Variants in AHSA1 observed in about 807,000 individuals in gnomAD.
AHSA1 encodes activator of 90 kDa heat shock protein ATPase homolog 1.
A neutral mutation model predicts 46.1 loss-of-function variants in AHSA1; 14 were observed. The observed-to-expected ratio is 0.30, with a 90% confidence interval of 0.20 to 0.47. AHSA1 has a LOEUF of 0.47. Ranked by LOEUF, AHSA1 falls within the 20% of genes least tolerant of loss-of-function variation. AHSA1 has a pLI of 0.99. For missense variants in AHSA1, 333 were observed against 415.9 expected (o/e 0.80, Z 1.73); for synonymous variants, 147 against 145.8 (o/e 1.01, Z -0.06).
In AHSA1 at chr14:77,458,350, A is replaced by G; in HGVS notation, c.80+81A>G. On this transcript the variant is annotated intron_variant, in intron 1 of 8. Transcript: ENST00000216479. ...CAGGGTTCCTAGAACCTCGGCCCGG[A>G]CAGAGCTGGGGCTGAGGTAGCCCTG... 3 of 1,445,220 alleles carry G rather than the reference A, an allele frequency of 2.1e-6. No homozygotes were observed. In the South Asian group the frequency reaches 3.8e-5, roughly 18 times the overall value. The allele number at this position is 1,445,220 out of a possible 1,614,324, so 89.5% of individuals were successfully genotyped here. A position where few individuals can be genotyped will look rare whatever the true frequency, so the allele number is the denominator to read the frequency against.
intron 2 of AHSA1, among the ~76,000 whole-genome samples, chr14:77,461,946 T>C (rs1042425216): frequency 6.6e-6 from 1 of 152,252 alleles, no homozygotes; most frequent in Non-Finnish European, 1.5e-5. Context: ...TGTCTCACAT[T>C]GTAATAACAT....
chr14:77,457,893 G>C, upstream of AHSA1: 1 of 496,696 alleles, frequency 2.0e-6, no homozygotes, highest in South Asian at 3.4e-5. Flanking sequence ...TATGGGTGAG[G>C]AATGGTTGTA....
Position 77,459,819 on chromosome 14 carries a change from TG to T in AHSA1, c.271+16del. On this transcript the variant is annotated intron_variant, in intron 2 of 8. Transcript: ENST00000216479. ...CTAAACTGGACAGGTAAGTCTAAGC[TG>T]GGCTGTCAGAGAGATTAACTGTGTT... The T allele has an allele frequency of 6.2e-7, 1 of 1,613,950 alleles. No homozygotes were observed. The highest frequency in any genetic ancestry group is 8.5e-7 in the Non-Finnish European group (1 of 1,179,758).
chr14:77,462,793 G>A (rs1299146668), intron 4 of AHSA1, 34 bp downstream of exon 4: 5 of 1,573,074 alleles, frequency 3.2e-6, no homozygotes, highest in Non-Finnish European at 4.4e-6. Context: ...GCCTTAAGGA[G>A]GTAGTTTCCA....
chr14:77,467,655 C>CT (rs1434933793), intron 6 of AHSA1, among the ~76,000 whole-genome samples: 1 of 152,200 alleles, frequency 6.6e-6, no homozygotes, highest in Non-Finnish European at 1.5e-5. Flanking sequence ...GATCGCGCCA[C>CT]TGCACTCCAG....
rs2078993818 is a variant in AHSA1, at chr14:77,458,097, GTT to G, written c.-91_-90del. ...GAGGTGCTTGCGGCCGCTTCTAGTA[GTT>G]TCCAGGCGCTGCCGGGCGGCTGGCA... On this transcript the variant is annotated 5_prime_UTR_variant, in exon 1 of 9. Transcript: ENST00000216479. The G allele has an allele frequency of 8.3e-7, 1 of 1,206,030 alleles. No homozygotes were observed. Among genetic ancestry groups the G allele is most frequent in the Admixed American group, 3.6e-5 (1 of 27,498 alleles). 74.7% of individuals were successfully genotyped at this position (1,206,030 alleles called of 1,614,324 possible).
rs1476438412 is a variant in AHSA1 at position 77,469,262 on chromosome 14, G to A, written c.*13G>A. 20 of 1,612,908 alleles carry A rather than the reference G, an allele frequency of 1.2e-5. No individual in the cohort carries two copies. The highest frequency in any genetic ancestry group is 1.7e-5 in the Non-Finnish European group (20 of 1,179,224). On this transcript the variant is annotated 3_prime_UTR_variant, in exon 9 of 9. Coordinates refer to ENST00000216479, the MANE Select transcript of AHSA1 (RefSeq NM_012111.3). ...ACGCTTATTTTAGGGCCAGCGGCAG[G>A]GGACTCCAGCCTGCTGGACACTTCA...
chr14:77,460,805 T>G (rs1334031395), intron 2 of AHSA1, among the ~76,000 whole-genome samples: 1 of 152,042 alleles, frequency 6.6e-6, no homozygotes, highest in Non-Finnish European at 1.5e-5. Context: ...GACGCTTTTT[T>G]TTTTTAATAT....
intron 6 of AHSA1, among the ~76,000 whole-genome samples, chr14:77,467,433 C>T (rs1210512686): frequency 6.6e-6 from 1 of 150,482 alleles, no homozygotes; most frequent in Non-Finnish European, 1.5e-5. Context: ...GTGGCTCACG[C>T]CTGTAATCCC....
chr14:77,458,202 G>A lies in AHSA1; in HGVS notation c.13G>A (p.Gly5Ser). The stretch of plus-strand genomic sequence containing the variant: ...GATAGGAGAGCCGATGGCCAAGTGG[G>A]GTGAGGGAGACCCACGCTGGATCGT... MAKWGEGDPRWIVEE... is the reference protein window; with the variant it reads MAKWSEGDPRWIVEE... The change falls in exon 1 of 9, where the codon GGT becomes AGT. Residue 5 changes from glycine (G) to serine (S), a missense_variant. Gly to Ser is a moderately conservative substitution (Grantham distance 56). Coordinates refer to ENST00000216479, the MANE Select transcript of AHSA1 (RefSeq NM_012111.3). The A allele has an allele frequency of 6.5e-7, 1 of 1,540,912 alleles. No individual in the cohort carries two copies. Among genetic ancestry groups the A allele is most frequent in the Non-Finnish European group, 8.7e-7 (1 of 1,143,586 alleles).
At chr14:77,467,665 G>C (rs1390921104) in intron 6 of AHSA1, among the ~76,000 whole-genome samples, 1 of 152,186 alleles carries the variant, frequency 6.6e-6, no homozygotes, top group African/African-American at 2.4e-5. Flanking sequence ...CTGCACTCCA[G>C]CCTGGGCAAC....
chr14:77,468,397 C>A, intron 7 of AHSA1, 60 bp from the exon 8 acceptor site: 1 of 1,498,880 alleles, frequency 6.7e-7, no homozygotes, highest in Non-Finnish European at 9.2e-7. Context: ...ATGACTGATC[C>A]TAGCTAGGAT....
rs756002682 is a variant in AHSA1 at position 77,458,152 on chromosome 14, G to A, written c.-38G>A. The A allele has an allele frequency of 1.6e-5, 24 of 1,507,182 alleles. No individual in the cohort carries two copies. The highest frequency in any genetic ancestry group is 1.9e-5 in the Non-Finnish European group (22 of 1,129,202). The allele number at this position is 1,507,182 out of a possible 1,614,324, so 93.4% of individuals were successfully genotyped here. A position where few individuals can be genotyped will look rare whatever the true frequency, so the allele number is the denominator to read the frequency against. On this transcript the variant is annotated 5_prime_UTR_variant, in exon 1 of 9. Coordinates refer to ENST00000216479, the MANE Select transcript of AHSA1 (RefSeq NM_012111.3). ...AAGCGGTCCTGAGGCTGTGGCTACG[G>A]CTGCTCCGGAGCTGGTGGCGCCGCG...
chr14:77,466,442 T>C (rs1168653371), intron 6 of AHSA1: 1 of 152,706 alleles, frequency 6.5e-6, no homozygotes, highest in Non-Finnish European at 1.5e-5. Context: ...CATGACCGTA[T>C]TCAGCTTTAT....
chr14:77,468,566 T>A, intron 8 of AHSA1, 58 bp downstream of exon 8: 1 of 1,421,306 alleles, frequency 7.0e-7, no homozygotes, highest in Admixed American at 1.9e-5. Flanking sequence ...GCTGTAATTT[T>A]TTTTTTTTTT....
intron 6 of AHSA1, 57 bp downstream of exon 6, chr14:77,465,724 T>G: frequency 6.3e-7 from 1 of 1,585,574 alleles, no homozygotes; most frequent in Non-Finnish European, 8.6e-7. Context: ...GTGACTTGAG[T>G]TGGGGGCATA....
chr14:77,462,600 C>G (rs768259515), intron 3 of AHSA1, 42 bp from the exon 4 acceptor site: 4 of 1,541,350 alleles, frequency 2.6e-6, no homozygotes, highest in Admixed American at 3.3e-5. Context: ...AATGAGGGTG[C>G]CCCTCAAGTT....
At chr14:77,464,301 A>C (rs1006390790) in intron 4 of AHSA1, among the ~76,000 whole-genome samples, 1 of 152,094 alleles carries the variant, frequency 6.6e-6, no homozygotes, top group African/African-American at 2.4e-5. Context: ...AGCTTGAACC[A>C]GGGAGTCAGA....
intron 6 of AHSA1, 38 bp downstream of exon 6, chr14:77,465,705 C>T: frequency 6.2e-7 from 1 of 1,607,730 alleles, no homozygotes; most frequent in East Asian, 2.2e-5. Flanking sequence ...ATGCCATCTG[C>T]CCTTCTAGGT....
Sources: gnomAD v4.1 joint callset for allele counts (sites outside exome capture counted in the v4.1 genomes callset) on GRCh38, gnomAD v4.1.1 for gene constraint, MANE v1.5 for transcripts, NCBI Gene and HGNC (gene_info 2026-07-23, HGNC 2026-07-21) for gene names.